Variants in LRRC19 observed in about 807,000 individuals in gnomAD.
LRRC19 encodes leucine-rich repeat-containing protein 19.
LRRC19 carries 33 observed loss-of-function variants against 33.3 expected under a neutral mutation model. The ratio of observed to expected loss-of-function variants is 0.99; its 90% CI spans 0.75 to 1.33. The LOEUF (loss-of-function observed/expected upper bound fraction) is 1.33. LRRC19 is among the 40% of genes most tolerant of loss of function. The probability of loss-of-function intolerance (pLI) is 0.00; values close to 1 mark genes in which losing one functional copy is unlikely to be tolerated. For missense variants in LRRC19, 463 were observed against 417.3 expected (o/e 1.11, Z -0.95); for synonymous variants, 184 against 152.3 (o/e 1.21, Z -1.53).
chr9:26,999,804 G>A (rs1828380774), intron 1 of LRRC19, 101 bp from the exon 2 acceptor site: 2 of 661,782 alleles, frequency 3.0e-6, no homozygotes, highest in Non-Finnish European at 4.7e-6. Flanking sequence ...CTGAGACAGG[G>A]TCTCACTCTG....
intron 3 of LRRC19, 145 bp from the exon 4 acceptor site, chr9:26,996,644 A>G (rs1189743523): frequency 1.7e-5 from 8 of 469,520 alleles, no homozygotes; most frequent in Non-Finnish European, 2.8e-5. Flanking sequence ...CTAGCAACAT[A>G]ATGAAAGAAT....
Position 26,997,903 on chromosome 9 carries a change from T to A in LRRC19, c.420A>T (p.Val140=). 1 of 1,614,146 alleles carries A rather than the reference T, an allele frequency of 6.2e-7. No individual in the cohort carries two copies. The highest frequency in any genetic ancestry group is 8.5e-7 in the Non-Finnish European group (1 of 1,180,002). Residue 140 remains valine (V), a synonymous_variant, in exon 3 of 5, where the codon GTA becomes GTT. Coordinates refer to ENST00000380055, the MANE Select transcript of LRRC19 (RefSeq NM_022901.3). ...GTTTTAGGCTTCTTAGAGGCACAAA[T>A]ACATCAGCATTCAGTTGTTCTATTT... ...QNKIEQLNAD[V]FVPLRSLKLL... is the part of the protein sequence containing the mutation.
intron 4 of LRRC19, 92 bp downstream of exon 4, chr9:26,996,219 A>G (rs1451207227): frequency 3.9e-5 from 32 of 828,614 alleles, no homozygotes; most frequent in Non-Finnish European, 5.1e-5. Context: ...TTTCTTTTAC[A>G]TTTTTTATAC....
intron 1 of LRRC19, 101 bp downstream of exon 1, chr9:27,005,491 A>G (rs1025399301): frequency 1.3e-5 from 2 of 151,676 alleles, no homozygotes; most frequent in Non-Finnish European, 2.9e-5. Flanking sequence ...CTTATTTTTC[A>G]TCACTTCTTA....
intron 3 of LRRC19, among the ~76,000 whole-genome samples, 170 bp from the exon 4 acceptor site, chr9:26,996,669 T>C (rs1216757730): frequency 6.6e-6 from 1 of 152,212 alleles, no homozygotes; most frequent in Non-Finnish European, 1.5e-5. Flanking sequence ...CACATTTCTG[T>C]TTATTATTTT....
Position 26,998,026 on chromosome 9 carries a change from TA to T in LRRC19, c.296del (p.Leu99GlnfsTer4). ...AGTTTCTACAGATATTTAAAATTTC[TA>T]GACTGGAGAGGTTACCAAAACCGTT... ...HNNGFGNLSSLEILNICRNSI... is the reference protein window; with the variant it reads ...HNNGFGNLSSXEILNICRNSI... On this transcript the variant is annotated frameshift_variant, in exon 3 of 5. Coordinates refer to ENST00000380055, the MANE Select transcript of LRRC19 (RefSeq NM_022901.3). LOFTEE classifies it high-confidence loss of function. 1 of 1,613,884 alleles carries T rather than the reference TA, an allele frequency of 6.2e-7. No individual in the cohort carries two copies. Among genetic ancestry groups the T allele is most frequent in the South Asian group, 1.1e-5 (1 of 91,070 alleles).
intron 3 of LRRC19, among the ~76,000 whole-genome samples, chr9:26,997,360 G>A (rs1828217148): frequency 7.8e-6 from 1 of 127,742 alleles, no homozygotes; most frequent in Non-Finnish European, 1.6e-5. Flanking sequence ...TTGAGACAGA[G>A]TCTCACTCTG....
intron 1 of LRRC19, among the ~76,000 whole-genome samples, chr9:27,001,591 T>A (rs1250690275): frequency 6.6e-6 from 1 of 152,192 alleles, no homozygotes; most frequent in African/African-American, 2.4e-5. Context: ...CATACTTGTT[T>A]GTCTTTTGTG....
At position 26,998,235 on chromosome 9, in the gene LRRC19, G is replaced by A; in HGVS notation, c.88C>T (p.Gln30Ter). Residue 30 changes from glutamine to a stop codon, truncating the protein, a stop_gained, in exon 3 of 5, where the codon CAA becomes TAA. Transcript: ENST00000380055. LOFTEE classifies it high-confidence loss of function. ...DKIQSSKREV[Q>*]CNFTEKNYTL... The stretch of plus-strand genomic sequence containing the variant: ...TAATTTTTTTCAGTAAAATTACATT[G>A]GACTTCCTAGAAAAACAAAAAAAAG... 5 of 1,432,172 alleles carry A rather than the reference G, an allele frequency of 3.5e-6. No homozygotes were observed. Among genetic ancestry groups the A allele is most frequent in the East Asian group, 2.4e-5 (1 of 41,638 alleles). 88.7% of individuals were successfully genotyped at this position (1,432,172 alleles called of 1,614,324 possible). A position where few individuals can be genotyped will look rare whatever the true frequency, so the allele number is the denominator to read the frequency against.
chr9:27,000,642 A>G (rs1488816483), intron 1 of LRRC19, among the ~76,000 whole-genome samples: 1 of 152,224 alleles, frequency 6.6e-6, no homozygotes, highest in Non-Finnish European at 1.5e-5. Context: ...TATAATGGAA[A>G]CATTCAAATT....
At position 26,995,743 on chromosome 9, in the gene LRRC19, G is replaced by GT; in HGVS notation, c.890dup (p.Tyr297Ter). 1 of 1,613,732 alleles carries GT rather than the reference G, an allele frequency of 6.2e-7. No individual in the cohort carries two copies. Among genetic ancestry groups the GT allele is most frequent in the South Asian group, 1.1e-5 (1 of 91,072 alleles). The change falls in exon 5 of 5, where the codon TAC becomes TAAC. Residue 297 changes from tyrosine to a stop codon, truncating the protein, a stop_gained and frameshift_variant. Transcript: ENST00000380055. LOFTEE classifies it high-confidence loss of function. ...IFIAIKCPIWYNILLSYNHHR... is the reference protein window; with the variant it reads ...IFIAIKCPIW The stretch of plus-strand genomic sequence containing the variant: ...GATGATTATAACTAAGCAGAATATT[G>GT]TACCATATTGGGCATTTGATAGCAA...
chr9:27,004,478 A>G (rs1828671761), intron 1 of LRRC19, among the ~76,000 whole-genome samples: 1 of 152,234 alleles, frequency 6.6e-6, no homozygotes, highest in African/African-American at 2.4e-5. Context: ...AGATTGAAAG[A>G]GGGGGTGATG....
In LRRC19 at chr9:26,995,504, G is replaced by T; in HGVS notation, c.*17C>A. On this transcript the variant is annotated 3_prime_UTR_variant, in exon 5 of 5. Coordinates refer to ENST00000380055, the MANE Select transcript of LRRC19 (RefSeq NM_022901.3). ...TGAGCTGATAACTTTGCTTTAAAAAGCAAACTTTGAAAGAAATTAATTTTC... is the reference window on the plus strand; with the variant it reads ...TGAGCTGATAACTTTGCTTTAAAAATCAAACTTTGAAAGAAATTAATTTTC... 1 of 1,464,224 alleles carries T rather than the reference G, an allele frequency of 6.8e-7. No individual in the cohort carries two copies. The highest frequency in any genetic ancestry group is 9.2e-7 in the Non-Finnish European group (1 of 1,088,428). The allele number at this position is 1,464,224 out of a possible 1,614,324, so 90.7% of individuals were successfully genotyped here.
At chr9:27,004,106 A>G (rs1246205601) in intron 1 of LRRC19, among the ~76,000 whole-genome samples, 1 of 152,210 alleles carries the variant, frequency 6.6e-6, no homozygotes, top group African/African-American at 2.4e-5. Context: ...ATTTAAGTTA[A>G]AAGTTGATAT....
At chr9:26,999,767 A>ATTTTTTTTT in intron 1 of LRRC19, 64 bp from the exon 2 acceptor site, 1 of 457,786 alleles carries the variant, frequency 2.2e-6, no homozygotes. Context: ...GAATCTGTTT[A>ATTTTTTTTT]TTCTTTTTTT....
At position 27,005,361 on chromosome 9, in the gene LRRC19, GCC is replaced by G. The variant is rs916556296; in HGVS notation, c.-10+229_-10+230del. 2.2e-3 allele frequency among the ~76,000 whole-genome samples: 55 copies of G among 25,292 alleles called. 8 individuals are homozygous for G. The highest frequency in any genetic ancestry group is 7.5e-3 in the African/African-American group (55 of 7,366). The allele number at this position is 25,292 out of a possible 152,430, so 16.6% of individuals were successfully genotyped here. A position where few individuals can be genotyped will look rare whatever the true frequency, so the allele number is the denominator to read the frequency against. On this transcript the variant is annotated intron_variant, in intron 1 of 4. Coordinates refer to ENST00000380055, the MANE Select transcript of LRRC19 (RefSeq NM_022901.3). ...GCTAGATGAAACCATTTCCCCCCCC[GCC>G]CCCCGCAAAACAATTACTTAGTATT...
rs1047141117 is a variant in LRRC19, at chr9:26,994,104, T to G, written c.*1417A>C. On this transcript the variant is annotated 3_prime_UTR_variant, in exon 5 of 5. Transcript: ENST00000380055. ...GTTTTCCAAACTACGTTCTTTGGAA[T>G]GTTATTGAACTACGAGCTCTTAGTA... 1 of 152,232 alleles carries G rather than the reference T, an allele frequency of 6.6e-6. No individual in the cohort carries two copies. The highest frequency in any genetic ancestry group is 2.4e-5 in the African/African-American group (1 of 41,462). The allele number at this position is 152,232 out of a possible 1,614,324, so 9.4% of individuals were successfully genotyped here.
intron 3 of LRRC19, 124 bp from the exon 4 acceptor site, chr9:26,996,623 G>C (rs1222163651): frequency 3.5e-6 from 2 of 568,758 alleles, no homozygotes; most frequent in Non-Finnish European, 5.4e-6. Flanking sequence ...AGAAATTCCT[G>C]TTGTATTTGT....
At chr9:27,004,132 G>GA (rs1429542569) in intron 1 of LRRC19, among the ~76,000 whole-genome samples, 1 of 152,174 alleles carries the variant, frequency 6.6e-6, no homozygotes, top group African/African-American at 2.4e-5. Flanking sequence ...AGAAGCAGGT[G>GA]AAAAAAGTAA....
Sources: gnomAD v4.1 joint callset for allele counts (sites outside exome capture counted in the v4.1 genomes callset) on GRCh38, gnomAD v4.1.1 for gene constraint, MANE v1.5 for transcripts, NCBI Gene and HGNC (gene_info 2026-07-23, HGNC 2026-07-21) for gene names.